The following CUL4B variants were observed in gnomAD, a reference collection of about 807,000 sequenced individuals.
The protein encoded by CUL4B is cullin 4B, also known as cullin-4B.
CUL4B carries 1 observed loss-of-function variant against 69.2 expected under a neutral mutation model. The ratio of observed to expected loss-of-function variants is 0.01; its 90% CI spans 0.01 to 0.07. The LOEUF is 0.07. Among genes scored for constraint, CUL4B ranks in the 10% least tolerant of loss-of-function variants. The probability of loss-of-function intolerance (pLI) is 1.00; values close to 1 mark genes in which losing one functional copy is unlikely to be tolerated. For missense variants in CUL4B, 328 were observed against 638.8 expected (o/e 0.51, Z 5.24); for synonymous variants, 237 against 223.2 (o/e 1.06, Z -0.55).
At position 120,547,119 on chromosome X, in the gene CUL4B, T is replaced by C. The variant is rs766278242; in HGVS notation, c.776+17A>G. The stretch of plus-strand genomic sequence containing the variant: ...GAAGACAAAACTATTCACGATTTTT[T>C]GTTTTAAAAAGGATATTCTCTGAAT... On this transcript the variant is annotated intron_variant, in intron 3 of 19. Transcript: ENST00000371322. The C allele has an allele frequency of 1.8e-6, 2 of 1,116,621 alleles. No homozygotes were observed. The highest frequency in any genetic ancestry group is 3.8e-5 in the African/African-American group (2 of 53,068). The allele number at this position is 1,116,621 out of a possible 1,213,427, so 92.0% of individuals were successfully genotyped here. A position where few individuals can be genotyped will look rare whatever the true frequency, so the allele number is the denominator to read the frequency against.
chrX:120,545,755 C>T (rs1355927701), intron 4 of CUL4B, among the ~76,000 whole-genome samples: 2 of 105,508 alleles, frequency 1.9e-5, no homozygotes, highest in African/African-American at 6.9e-5. Context: ...TGATTTACTG[C>T]TTGAGAAGTA....
intron 18 of CUL4B, chrX:120,532,188 T>C (rs905837502): frequency 9.3e-6 from 3 of 321,362 alleles, no homozygotes; most frequent in Non-Finnish European, 1.6e-5. Flanking sequence ...ATTCTAAAGA[T>C]TGAATACTAA....
At position 120,524,037 on chromosome X, in the gene CUL4B, CT is replaced by C; in HGVS notation, c.*2723del. Among the ~76,000 whole-genome samples, 1 of 111,488 alleles carries C rather than the reference CT, an allele frequency of 9.0e-6. No homozygotes were observed. Among genetic ancestry groups the C allele is most frequent in the South Asian group, 3.7e-4 (1 of 2,673 alleles). On this transcript the variant is annotated 3_prime_UTR_variant, in exon 20 of 20. Transcript: ENST00000371322. ...ATGAATATCCAGATTAAAAAACAAA[CT>C]TCTCAAATCTTTAGATCCAGATGCC...
chrX:120,556,652 C>A (rs1046036147), intron 2 of CUL4B, among the ~76,000 whole-genome samples: 2 of 108,505 alleles, frequency 1.8e-5, no homozygotes, highest in African/African-American at 3.4e-5. Flanking sequence ...CCAGCCTGGG[C>A]AACATAGCAA....
chrX:120,538,464 CAA>C, intron 13 of CUL4B, 194 bp downstream of exon 13: 1 of 408,630 alleles, frequency 2.4e-6, no homozygotes, highest in Non-Finnish European at 4.2e-6. Context: ...AAACCAAGAA[CAA>C]TGCTTTATCT....
At chrX:120,535,003 C>T (rs977395288) in intron 16 of CUL4B, among the ~76,000 whole-genome samples, 2 of 111,782 alleles carry the variant, frequency 1.8e-5, no homozygotes, top group African/African-American at 3.3e-5. Flanking sequence ...CCACTCTATT[C>T]GTAGCTCCCA....
intron 19 of CUL4B, among the ~76,000 whole-genome samples, chrX:120,527,308 T>C (rs1359412737): frequency 8.9e-6 from 1 of 112,029 alleles, no homozygotes; most frequent in African/African-American, 3.2e-5. Flanking sequence ...TCCACCTGCC[T>C]CAGCCTCCCA....
chrX:120,573,940 G>A (rs1376223195), intron 2 of CUL4B, among the ~76,000 whole-genome samples: 1 of 110,416 alleles, frequency 9.1e-6, no homozygotes, highest in African/African-American at 3.3e-5. Context: ...TCTCCAGCCT[G>A]AGCCTCCCTA....
intron 19 of CUL4B, among the ~76,000 whole-genome samples, chrX:120,527,942 G>C (rs771325534): frequency 2.7e-5 from 3 of 112,181 alleles, no homozygotes. Context: ...TACCCTTCGC[G>C]TGGTTAAATA....
downstream of CUL4B, among the ~76,000 whole-genome samples, chrX:120,568,269 C>G (rs62616190): frequency 9.0e-6 from 1 of 110,837 alleles, no homozygotes; most frequent in East Asian, 2.9e-4. Context: ...GCTGACCTCA[C>G]AGTATTGCCT....
At chrX:120,573,486 G>A in intron 2 of CUL4B, among the ~76,000 whole-genome samples, 1 of 111,661 alleles carries the variant, frequency 9.0e-6, no homozygotes, top group Admixed American at 9.5e-5. Flanking sequence ...AAGTAGAATT[G>A]GGTCAAGGGG....
intron 3 of CUL4B, among the ~76,000 whole-genome samples, 159 bp from the exon 4 acceptor site, chrX:120,546,775 G>GT (rs1924362213): frequency 9.6e-6 from 1 of 104,653 alleles, no homozygotes; most frequent in African/African-American, 3.5e-5. Flanking sequence ...ATTTGTAAAA[G>GT]AAAAAAAAAA....
Position 120,539,314 on chromosome X carries a change from A to C in CUL4B, c.1695T>G (p.Leu565=), listed in dbSNP as rs200296520. The change falls in exon 12 of 20, where the codon CTT becomes CTG. Residue 565 remains leucine (L), a synonymous_variant. Transcript: ENST00000371322. ...TCATAATTTTATCCAACATTTTCTC[A>C]AGTTCTTCATCTGTAGCTTCTTTGT... ...AGNKEATDEE[L]EKMLDKIMII... 7.5e-6 allele frequency: 9 copies of C among 1,194,529 alleles called. No individual in the cohort carries two copies. Among genetic ancestry groups the C allele is most frequent in the Admixed American group, 4.4e-5 (2 of 45,131 alleles).
At chrX:120,573,015 T>C in intron 2 of CUL4B, among the ~76,000 whole-genome samples, 1 of 111,638 alleles carries the variant, frequency 9.0e-6, no homozygotes, top group South Asian at 3.7e-4. Flanking sequence ...TAAGAAAAAA[T>C]TTAAACAATA....
At chrX:120,561,467 A>G (rs1370462686), upstream of CUL4B, 1 of 379,927 alleles carries the variant, frequency 2.6e-6, no homozygotes, top group Non-Finnish European at 5.0e-6. Context: ...GGAGGGAGAA[A>G]TTGGGGGGAA....
At chrX:120,532,262 A>G in intron 18 of CUL4B, 160 bp downstream of exon 18, 1 of 456,631 alleles carries the variant, frequency 2.2e-6, no homozygotes, top group Non-Finnish European at 3.7e-6. Flanking sequence ...CCACTCTCCC[A>G]AACACCCAAA....
At chrX:120,546,817 C>A (rs1242316500) in intron 3 of CUL4B, among the ~76,000 whole-genome samples, 1 of 111,303 alleles carries the variant, frequency 9.0e-6, no homozygotes, top group Non-Finnish European at 1.9e-5. Flanking sequence ...CCTTTAAAAA[C>A]AAGTCTTAGA....
chrX:120,540,789 C>T (rs1286261478), intron 10 of CUL4B, among the ~76,000 whole-genome samples: 1 of 112,041 alleles, frequency 8.9e-6, no homozygotes, highest in Non-Finnish European at 1.9e-5. Flanking sequence ...AGGCATGTAC[C>T]ACTGCACCTG....
intron 1 of CUL4B, among the ~76,000 whole-genome samples, chrX:120,574,800 C>CT (rs897560461): frequency 1.8e-5 from 2 of 112,253 alleles, no homozygotes; most frequent in Admixed American, 1.9e-4. Context: ...CTTGCTAACC[C>CT]TTGCAATTTT....
Sources: allele counts gnomAD v4.1 joint callset (sites outside exome capture counted in the v4.1 genomes callset), GRCh38; gene constraint gnomAD v4.1.1; transcripts MANE v1.5; gene names NCBI Gene and HGNC (gene_info 2026-07-23, HGNC 2026-07-21).